Variants in RFT1 observed in about 807,000 individuals in gnomAD.
RFT1 encodes man(5)GlcNAc(2)-PP-dolichol translocation protein RFT1.
RFT1 carries 43 observed loss-of-function variants against 62.2 expected under a neutral mutation model. The ratio of observed to expected loss-of-function variants is 0.69; its 90% CI spans 0.54 to 0.89. The LOEUF is 0.89. RFT1 is among the 40% of genes least tolerant of loss of function. The pLI is 0.00. For synonymous variants in RFT1, 262 were observed against 264.6 expected, an observed-to-expected ratio of 0.99 and a Z score of 0.10; for missense variants, 605 against 649.9, an observed-to-expected ratio of 0.93 and a Z score of 0.75.
the RFT1 span, among the ~76,000 whole-genome samples, chr3:53,076,472 A>ACC: frequency 6.6e-6 from 1 of 152,238 alleles, no homozygotes; most frequent in African/African-American, 2.4e-5. Context: ...GCTTGAGGAA[A>ACC]AACAAAGAAT....
the RFT1 span, among the ~76,000 whole-genome samples, chr3:53,076,358 G>A: frequency 1.3e-5 from 2 of 152,162 alleles, no homozygotes; most frequent in Non-Finnish European, 2.9e-5. Flanking sequence ...TGTCTCCAGG[G>A]AAAGCACACC....
the RFT1 span, among the ~76,000 whole-genome samples, chr3:53,079,826 C>A: frequency 6.6e-6 from 1 of 152,062 alleles, no homozygotes; most frequent in African/African-American, 2.4e-5. Flanking sequence ...GTAAAAAAAA[C>A]AACAAAGCAA....
intron 8 of RFT1, 77 bp downstream of exon 8, chr3:53,106,742 A>G: frequency 1.9e-6 from 2 of 1,061,350 alleles, no homozygotes; most frequent in Non-Finnish European, 1.4e-6. Context: ...TTCATTAAAT[A>G]TATCAGAGAA....
chr3:53,102,090 G>A (rs1349137351), intron 10 of RFT1, among the ~76,000 whole-genome samples: 1 of 152,138 alleles, frequency 6.6e-6, no homozygotes, highest in Non-Finnish European at 1.5e-5. Flanking sequence ...CACGTGCAGG[G>A]AGATGATGAC....
At chr3:53,095,087 G>A (rs1181411241) in intron 11 of RFT1, among the ~76,000 whole-genome samples, 2 of 150,330 alleles carry the variant, frequency 1.3e-5, no homozygotes, top group Non-Finnish European at 2.9e-5. Context: ...CCAACATGGT[G>A]AAACCCTGTC....
At chr3:53,102,039 TA>T (rs1316851081) in intron 10 of RFT1, among the ~76,000 whole-genome samples, 311 of 131,226 alleles carry the variant, frequency 2.4e-3, no homozygotes, top group East Asian at 3.4e-3. Flanking sequence ...TTCATCTCAC[TA>T]AAAAAAAAAA....
the RFT1 span, among the ~76,000 whole-genome samples, chr3:53,076,759 T>C: frequency 4.6e-5 from 7 of 152,238 alleles, no homozygotes; most frequent in East Asian, 1.2e-3. Context: ...AAGACCAGCC[T>C]GGGCAACATA....
At chr3:53,087,179 G>A (rs1700872498), downstream of RFT1, among the ~76,000 whole-genome samples, 2 of 152,200 alleles carry the variant, frequency 1.3e-5, no homozygotes. Context: ...AGAAGTTGCT[G>A]TGAGCCAAGA....
chr3:53,121,904 G>A lies in RFT1; in HGVS notation c.457-104C>T, dbSNP rs1378270711. 6 of 896,060 alleles carry A rather than the reference G, an allele frequency of 6.7e-6. No individual in the cohort carries two copies. The East Asian group carries it at 1.3e-4, about 20-fold the overall frequency. The allele number at this position is 896,060 out of a possible 1,614,324, so 55.5% of individuals were successfully genotyped here. On this transcript the variant is annotated intron_variant, in intron 4 of 12. Coordinates refer to ENST00000296292, the MANE Select transcript of RFT1 (RefSeq NM_052859.4). Reference sequence around the variant, plus strand: ...TAGGGCAGTGGTCACCCTGGCTGTGGGGGCAGGGCACACAGCTGGACATAA... The same window carrying A: ...TAGGGCAGTGGTCACCCTGGCTGTGAGGGCAGGGCACACAGCTGGACATAA...
At chr3:53,122,696 T>C in intron 3 of RFT1, 133 bp from the exon 4 acceptor site, 1 of 439,628 alleles carries the variant, frequency 2.3e-6, no homozygotes, top group Non-Finnish European at 3.6e-6. Context: ...ACTAACTACA[T>C]GCCAGGCACT....
At chr3:53,083,077 T>C in the RFT1 span, among the ~76,000 whole-genome samples, 3 of 151,372 alleles carry the variant, frequency 2.0e-5, no homozygotes, top group African/African-American at 7.3e-5. Flanking sequence ...GGTGGGCACC[T>C]GTAATCCCAA....
the RFT1 span, among the ~76,000 whole-genome samples, chr3:53,070,799 G>T: frequency 6.6e-6 from 1 of 151,610 alleles, no homozygotes; most frequent in Admixed American, 6.6e-5. Flanking sequence ...CACTTTGGGA[G>T]GCTGAGGTGG....
the RFT1 span, among the ~76,000 whole-genome samples, chr3:53,082,471 G>A: frequency 1.3e-5 from 2 of 150,606 alleles, no homozygotes; most frequent in South Asian, 2.1e-4. Context: ...CAAGACTGTC[G>A]CAAAAAAAGT....
downstream of RFT1, among the ~76,000 whole-genome samples, chr3:53,086,613 G>A (rs2107053545): frequency 6.6e-6 from 1 of 152,210 alleles, no homozygotes; most frequent in Non-Finnish European, 1.5e-5. Context: ...ACCGCGCCCG[G>A]CTTTCAGTTG....
the RFT1 span, among the ~76,000 whole-genome samples, chr3:53,075,692 C>A: frequency 1.7e-4 from 26 of 152,124 alleles, no homozygotes; most frequent in Non-Finnish European, 3.5e-4. Context: ...TGGCCAGGGG[C>A]CCCCAGCATC....
chr3:53,067,107 C>G, the RFT1 span, among the ~76,000 whole-genome samples: 1 of 152,166 alleles, frequency 6.6e-6, no homozygotes, highest in African/African-American at 2.4e-5. Flanking sequence ...GCGGGCGGAG[C>G]GCTTGAGCCT....
At chr3:53,072,611 T>G in the RFT1 span, among the ~76,000 whole-genome samples, 3 of 152,200 alleles carry the variant, frequency 2.0e-5, no homozygotes, top group Non-Finnish European at 4.4e-5. Flanking sequence ...AGCCAGGCAC[T>G]GTCTCTGTTG....
At chr3:53,076,309 G>A in the RFT1 span, among the ~76,000 whole-genome samples, 1 of 152,172 alleles carries the variant, frequency 6.6e-6, no homozygotes, top group Non-Finnish European at 1.5e-5. Context: ...CGGATAGGTT[G>A]GTAAGAGTGG....
intron 2 of RFT1, among the ~76,000 whole-genome samples, chr3:53,125,315 G>C (rs993114540): frequency 3.9e-5 from 6 of 152,240 alleles, no homozygotes; most frequent in African/African-American, 1.4e-4. Context: ...TGTGTCATTT[G>C]TGAAGACAAA....
Sources: gnomAD v4.1 joint callset for allele counts (sites outside exome capture counted in the v4.1 genomes callset) on GRCh38, gnomAD v4.1.1 for gene constraint, MANE v1.5 for transcripts, NCBI Gene and HGNC (gene_info 2026-07-23, HGNC 2026-07-21) for gene names.